The following AKAP6 variants were observed in gnomAD, a reference collection of about 807,000 sequenced individuals.
The protein encoded by AKAP6 is A-kinase anchor protein 6.
In AKAP6, 58 loss-of-function variants were observed where a neutral mutation model predicts 188.5. The ratio of observed to expected loss-of-function variants is 0.31; its 90% CI spans 0.25 to 0.38. The LOEUF is 0.38. Ranked by LOEUF, AKAP6 falls within the 10% of genes least tolerant of loss-of-function variation. The pLI, the probability that AKAP6 is intolerant of heterozygous loss-of-function variation, is 1.00. For missense variants in AKAP6, 2,710 were observed against 2,740.0 expected, an observed-to-expected ratio of 0.99 and a Z score of 0.24; for synonymous variants, 989 against 998.6, an observed-to-expected ratio of 0.99 and a Z score of 0.18.
At chr14:32,786,608 G>A (rs999555423) in intron 12 of AKAP6, among the ~76,000 whole-genome samples, 3 of 152,044 alleles carry the variant, frequency 2.0e-5, no homozygotes, top group African/African-American at 7.2e-5. Flanking sequence ...ACAGGCATGA[G>A]CCACAGCACC....
intron 2 of AKAP6, among the ~76,000 whole-genome samples, chr14:32,462,373 G>A (rs535974991): frequency 2.6e-4 from 39 of 152,338 alleles, no homozygotes; most frequent in South Asian, 1.4e-3. Context: ...CAGACTAACA[G>A]CAGATCCCTC....
At chr14:32,680,069 C>G (rs759135253) in intron 8 of AKAP6, among the ~76,000 whole-genome samples, 1 of 152,136 alleles carries the variant, frequency 6.6e-6, no homozygotes, top group Non-Finnish European at 1.5e-5. Flanking sequence ...GGGACCCAAT[C>G]TGAGCACTCA....
intron 1 of AKAP6, among the ~76,000 whole-genome samples, chr14:32,344,045 G>A (rs190567227): frequency 3.3e-4 from 50 of 152,326 alleles, no homozygotes; most frequent in African/African-American, 1.0e-3. Flanking sequence ...AACTCTGGCT[G>A]TTGTATTCCC....
intron 2 of AKAP6, among the ~76,000 whole-genome samples, chr14:32,449,203 C>T (rs1313824543): frequency 6.6e-6 from 1 of 152,112 alleles, no homozygotes; most frequent in African/African-American, 2.4e-5. Context: ...CATTCACTTC[C>T]ATTTACATCA....
chr14:32,470,099 C>T (rs1594648182), intron 2 of AKAP6, among the ~76,000 whole-genome samples: 5 of 152,210 alleles, frequency 3.3e-5, no homozygotes, highest in African/African-American at 1.2e-4. Context: ...ACTCCCTTTC[C>T]TCCACCCTCA....
intron 12 of AKAP6, among the ~76,000 whole-genome samples, chr14:32,799,357 G>A (rs72669848): frequency 0.068 from 10,282 of 151,768 alleles, 394 homozygotes; most frequent in South Asian, 0.15. Context: ...CTTCATTTAG[G>A]CTTAAATTGT....
In AKAP6 at chr14:32,372,638, A is replaced by G. The variant is rs1483477151; in HGVS notation, c.-35+43230A>G. Among the ~76,000 whole-genome samples, 5 of 151,938 alleles carry G rather than the reference A, an allele frequency of 3.3e-5. No homozygotes were observed. In the East Asian group the frequency reaches 9.6e-4, roughly 29 times the overall value. The stretch of plus-strand genomic sequence containing the variant: ...AAGATTCAGATTTTTGGAATCAAGC[A>G]TTAAATTATTAATTGGCAAGAATTT... On this transcript the variant is annotated intron_variant, in intron 1 of 13. Transcript: ENST00000280979.
At chr14:32,419,241 T>C (rs1245317205) in intron 1 of AKAP6, among the ~76,000 whole-genome samples, 1 of 152,228 alleles carries the variant, frequency 6.6e-6, no homozygotes, top group African/African-American at 2.4e-5. Context: ...TCACATCAAA[T>C]CTCTGGATAT....
intron 5 of AKAP6, among the ~76,000 whole-genome samples, chr14:32,584,791 G>T (rs1420900646): frequency 6.6e-6 from 1 of 152,068 alleles, no homozygotes; most frequent in African/African-American, 2.4e-5. Flanking sequence ...CTTATTTTGG[G>T]ATATGTTATG....
At position 32,522,307 on chromosome 14, in the gene AKAP6, G is replaced by A. The variant is rs553613383; in HGVS notation, c.325-13247G>A. ...GTACTTCATGACTGAAACACCAAAA[G>A]CAATGGCAACAAAAGCCAAAATTGA... On this transcript the variant is annotated intron_variant, in intron 2 of 13. Transcript: ENST00000280979. Among the ~76,000 whole-genome samples the A allele has an allele frequency of 8.5e-4, 129 of 152,290 alleles. 1 individual carries two copies. Among genetic ancestry groups the A allele is most frequent in the African/African-American group, 2.9e-3 (120 of 41,556 alleles).
chr14:32,457,241 A>G (rs1391901556), intron 2 of AKAP6, among the ~76,000 whole-genome samples: 1 of 152,206 alleles, frequency 6.6e-6, no homozygotes. Context: ...GCCTGAGGAA[A>G]TCCAATATAG....
chr14:32,744,481 C>T (rs2031810151), intron 11 of AKAP6, among the ~76,000 whole-genome samples: 1 of 151,764 alleles, frequency 6.6e-6, no homozygotes, highest in Admixed American at 6.6e-5. Context: ...CACACCCAGC[C>T]AATTCTTTGT....
At chr14:32,728,510 A>G (rs1407634702) in intron 9 of AKAP6, among the ~76,000 whole-genome samples, 1 of 152,078 alleles carries the variant, frequency 6.6e-6, no homozygotes, top group East Asian at 1.9e-4. Context: ...CATTCTAATA[A>G]CTAGATCATT....
At chr14:32,656,256 A>C (rs930382467) in intron 7 of AKAP6, among the ~76,000 whole-genome samples, 1 of 152,030 alleles carries the variant, frequency 6.6e-6, no homozygotes, top group Non-Finnish European at 1.5e-5. Context: ...CTGCCCATCA[A>C]ATTTAGTTAA....
At chr14:32,515,280 T>G (rs1881463114) in intron 2 of AKAP6, among the ~76,000 whole-genome samples, 1 of 152,134 alleles carries the variant, frequency 6.6e-6, no homozygotes, top group African/African-American at 2.4e-5. Flanking sequence ...GCCCCCATGA[T>G]TCAATGATCT....
chr14:32,834,533 C>CTTTTTT lies in AKAP6; in HGVS notation c.*4744_*4749dup, dbSNP rs11417769. 2 of 103,842 alleles carry CTTTTTT rather than the reference C, an allele frequency of 1.9e-5. No individual in the cohort carries two copies. Among genetic ancestry groups the CTTTTTT allele is most frequent in the African/African-American group, 3.6e-5 (1 of 27,436 alleles). The allele number at this position is 103,842 out of a possible 1,614,324, so 6.4% of individuals were successfully genotyped here. ...CACACACTGCTTTTAGTTTCCAAGT[C>CTTTTTT]TTTTTTTTTTTTTTTTTTTTTAAAT... is the stretch of plus-strand genomic sequence containing the variant. On this transcript the variant is annotated 3_prime_UTR_variant, in exon 14 of 14. Coordinates refer to ENST00000280979, the MANE Select transcript of AKAP6 (RefSeq NM_004274.5).
chr14:32,579,839 G>A (rs1311100469), intron 5 of AKAP6, among the ~76,000 whole-genome samples: 2 of 151,998 alleles, frequency 1.3e-5, no homozygotes, highest in Non-Finnish European at 2.9e-5. Flanking sequence ...TTAGTTAACC[G>A]TGCATAAGTC....
chr14:32,475,948 G>T (rs1879045422), intron 2 of AKAP6, among the ~76,000 whole-genome samples: 1 of 151,978 alleles, frequency 6.6e-6, no homozygotes, highest in Admixed American at 6.6e-5. Flanking sequence ...CTCCCAAAGT[G>T]CTGGGATTAC....
chr14:32,381,658 G>A (rs1479743379), intron 1 of AKAP6, among the ~76,000 whole-genome samples: 3 of 152,054 alleles, frequency 2.0e-5, no homozygotes, highest in Non-Finnish European at 4.4e-5. Context: ...AAGAATGGGA[G>A]GAAGAGAAGA....
Sources: allele counts gnomAD v4.1 joint callset (sites outside exome capture counted in the v4.1 genomes callset), GRCh38; gene constraint gnomAD v4.1.1; transcripts MANE v1.5; gene names NCBI Gene and HGNC (gene_info 2026-07-23, HGNC 2026-07-21).